The following FYN variants were observed in gnomAD, a reference collection of about 807,000 sequenced individuals.
FYN encodes the protein FYN proto-oncogene, Src family tyrosine kinase, also known as tyrosine-protein kinase Fyn.
In FYN, 10 loss-of-function variants were observed where a neutral mutation model predicts 70.2. The ratio of observed to expected loss-of-function variants is 0.14; its 90% confidence interval spans 0.09 to 0.24. FYN has a LOEUF of 0.24. Among genes scored for constraint, FYN ranks in the 10% least tolerant of loss-of-function variants. The pLI, the probability that FYN is intolerant of heterozygous loss-of-function variation, is 1.00. For missense variants in FYN, 319 were observed against 673.1 expected (o/e 0.47, Z 5.82); for synonymous variants, 236 against 248.6 (o/e 0.95, Z 0.48).
At chr6:111,806,939 C>T (rs1056172774) in intron 2 of FYN, among the ~76,000 whole-genome samples, 8 of 152,294 alleles carry the variant, frequency 5.3e-5, no homozygotes, top group Admixed American at 2.0e-4. Context: ...CCTGGGTCCA[C>T]GCAGGATTTG....
chr6:111,853,811 G>A (rs539400410), intron 1 of FYN, among the ~76,000 whole-genome samples: 2 of 152,286 alleles, frequency 1.3e-5, no homozygotes, highest in Non-Finnish European at 2.9e-5. Flanking sequence ...TACAGATGGA[G>A]TTTCACTGTG....
chr6:111,676,247 T>G (rs1798525691), intron 12 of FYN, among the ~76,000 whole-genome samples: 1 of 152,202 alleles, frequency 6.6e-6, no homozygotes, highest in African/African-American at 2.4e-5. Flanking sequence ...CCTCTCCATC[T>G]CTCATGTGTC....
At chr6:111,719,630 T>C in intron 4 of FYN, 175 bp downstream of exon 4, 1 of 721,674 alleles carries the variant, frequency 1.4e-6, no homozygotes, top group East Asian at 2.8e-5. Flanking sequence ...AGCATTTTGT[T>C]TGTACATCAA....
chr6:111,746,382 GT>G, intron 3 of FYN, among the ~76,000 whole-genome samples: 1 of 152,250 alleles, frequency 6.6e-6, no homozygotes, highest in African/African-American at 2.4e-5. Flanking sequence ...CGACAGATTA[GT>G]TTTCTCTGGT....
At chr6:111,716,750 G>C (rs993268582) in intron 4 of FYN, among the ~76,000 whole-genome samples, 6 of 150,538 alleles carry the variant, frequency 4.0e-5, no homozygotes, top group Non-Finnish European at 8.9e-5. Context: ...GAAAAAAAGA[G>C]ATATAGAGAT....
intron 12 of FYN, among the ~76,000 whole-genome samples, chr6:111,682,117 G>C (rs1247631434): frequency 6.6e-6 from 1 of 152,164 alleles, no homozygotes; most frequent in Non-Finnish European, 1.5e-5. Context: ...CTAGCTAAAG[G>C]GTCCAGCCAG....
chr6:111,699,756 C>T (rs1799745491), intron 9 of FYN: 5 of 1,287,432 alleles, frequency 3.9e-6, no homozygotes, highest in East Asian at 2.4e-5. Context: ...GGTGACTTGC[C>T]CGTTAGGATG....
chr6:111,795,442 G>A (rs1205552987), intron 2 of FYN, among the ~76,000 whole-genome samples: 1 of 152,196 alleles, frequency 6.6e-6, no homozygotes, highest in African/African-American at 2.4e-5. Context: ...ATGAATTTCT[G>A]TTGTTTGAGC....
chr6:111,673,716 T>C (rs1027417577), intron 13 of FYN, among the ~76,000 whole-genome samples: 2 of 147,478 alleles, frequency 1.4e-5, no homozygotes, highest in Non-Finnish European at 3.0e-5. Flanking sequence ...CTGAAAAATA[T>C]GTCCTTAACA....
chr6:111,735,660 G>A (rs987063398), intron 3 of FYN, among the ~76,000 whole-genome samples: 1 of 152,180 alleles, frequency 6.6e-6, no homozygotes, highest in African/African-American at 2.4e-5. Flanking sequence ...GCATGGGGGG[G>A]TGCCAGATCA....
rs559426859 is a variant in FYN, at chr6:111,694,576, C to T, written c.1120-48G>A. 2.5e-6 allele frequency: 4 copies of T among 1,613,814 alleles called. No individual in the cohort carries two copies. The highest frequency in any genetic ancestry group is 3.4e-6 in the Non-Finnish European group (4 of 1,179,788). Reference sequence around the variant, plus strand: ...ACATGTTACACCACGACCCAATGTACTTAGACACGTCATTAAATCTATGGC... The same window carrying T: ...ACATGTTACACCACGACCCAATGTATTTAGACACGTCATTAAATCTATGGC... On this transcript the variant is annotated intron_variant, in intron 11 of 13. Transcript: ENST00000354650. The surrounding 1 kb of genome is among the most constrained non-coding windows in gnomAD (Gnocchi z 5.0).
intron 3 of FYN, among the ~76,000 whole-genome samples, chr6:111,745,907 T>C (rs1802190405): frequency 6.6e-6 from 1 of 152,206 alleles, no homozygotes. Context: ...GTGCAACTTA[T>C]ACAACATTGA....
chr6:111,815,609 G>A (rs528615786), intron 2 of FYN, among the ~76,000 whole-genome samples: 1 of 151,708 alleles, frequency 6.6e-6, no homozygotes, highest in East Asian at 1.9e-4. Context: ...TATAACTAGA[G>A]GAAAAAAATA....
In FYN at chr6:111,822,153, T is replaced by A. The variant is rs558588681; in HGVS notation, c.-82+24436A>T. On this transcript the variant is annotated intron_variant, in intron 2 of 13. Coordinates refer to ENST00000354650, the MANE Select transcript of FYN (RefSeq NM_002037.5). ...GGGTATATACTCAAAGGATTATAAA[T>A]CATGCTGCTATAAAGACACATGCAC... Among the ~76,000 whole-genome samples the A allele has an allele frequency of 1.1e-3, 173 of 152,330 alleles. 1 individual carries two copies. The highest frequency in any genetic ancestry group is 3.9e-3 in the African/African-American group (164 of 41,568).
At chr6:111,835,559 C>T (rs938005431) in intron 2 of FYN, among the ~76,000 whole-genome samples, 1 of 152,224 alleles carries the variant, frequency 6.6e-6, no homozygotes, top group Non-Finnish European at 1.5e-5. Context: ...AAGTCCTGCC[C>T]CTGTACCCTT....
chr6:111,772,478 T>C (rs1004042538), intron 3 of FYN, among the ~76,000 whole-genome samples: 1 of 152,144 alleles, frequency 6.6e-6, no homozygotes, highest in African/African-American at 2.4e-5. Flanking sequence ...AAGGTGCACC[T>C]TGACATTGGT....
At chr6:111,811,420 A>T (rs544121298) in intron 2 of FYN, among the ~76,000 whole-genome samples, 2 of 152,242 alleles carry the variant, frequency 1.3e-5, no homozygotes, top group Non-Finnish European at 2.9e-5. Flanking sequence ...ACACTGGACA[A>T]TGTGGGTCAA....
chr6:111,850,713 C>T (rs1773661450), intron 1 of FYN, among the ~76,000 whole-genome samples: 1 of 152,222 alleles, frequency 6.6e-6, no homozygotes, highest in Non-Finnish European at 1.5e-5. Flanking sequence ...GGCTCTCTGC[C>T]TGCAGCCCAG....
chr6:111,790,984 C>T (rs1435754485), intron 2 of FYN, among the ~76,000 whole-genome samples: 1 of 152,180 alleles, frequency 6.6e-6, no homozygotes, highest in African/African-American at 2.4e-5. Context: ...ATTCTCCTCG[C>T]AATTGCATCT....
Sources: allele counts gnomAD v4.1 joint callset (sites outside exome capture counted in the v4.1 genomes callset), GRCh38; gene constraint gnomAD v4.1.1; non-coding constraint Gnocchi (gnomAD v3.1); transcripts MANE v1.5; gene names NCBI Gene and HGNC (gene_info 2026-07-23, HGNC 2026-07-21).